Variants in BRD1 observed in about 807,000 individuals in gnomAD.
BRD1 encodes the protein bromodomain containing 1.
A neutral mutation model predicts 107.7 loss-of-function variants in BRD1; 24 were observed. The observed-to-expected ratio is 0.22, with a 90% CI of 0.16 to 0.31. BRD1 has a LOEUF of 0.31. Among genes scored for constraint, BRD1 ranks in the 10% least tolerant of loss-of-function variants. The pLI is 1.00. For missense variants in BRD1, 1,279 were observed against 1,638.6 expected (o/e 0.78, Z 3.79); for synonymous variants, 744 against 686.1 (o/e 1.08, Z -1.32).
intron 7 of BRD1, among the ~76,000 whole-genome samples, chr22:49,789,250 T>C (rs953325615): frequency 2.6e-5 from 4 of 152,308 alleles, no homozygotes; most frequent in Middle Eastern, 3.4e-3. Flanking sequence ...TCCCTCCTGT[T>C]CAATGTCGCC....
rs1401833440 is a variant in BRD1 at position 49,803,822 on chromosome 22, T to C, written c.1524+382A>G. On this transcript the variant is annotated intron_variant, in intron 3 of 12. Coordinates refer to ENST00000404760, the MANE Select transcript of BRD1 (RefSeq NM_001304808.3). The surrounding 1 kb of genome is among the most constrained non-coding windows in gnomAD (Gnocchi z 4.4). ...GACCCCCACCCACATGGCCCGGGTG[T>C]GCTCACCGGGTCCCACTCCTGCTGT... 6.6e-6 allele frequency among the ~76,000 whole-genome samples: 1 copy of C among 152,066 alleles called. No homozygotes were observed. Among genetic ancestry groups the C allele is most frequent in the Admixed American group, 6.6e-5 (1 of 15,264 alleles).
At chr22:49,790,922 C>T (rs1394642026) in intron 7 of BRD1, among the ~76,000 whole-genome samples, 2 of 152,226 alleles carry the variant, frequency 1.3e-5, no homozygotes, top group South Asian at 2.1e-4. Context: ...CTAAAGGGGA[C>T]GCCCCGGAGC....
intron 8 of BRD1, among the ~76,000 whole-genome samples, chr22:49,780,097 T>C (rs1166821513): frequency 6.6e-6 from 1 of 152,138 alleles, no homozygotes; most frequent in Non-Finnish European, 1.5e-5. Context: ...GGGAAGACGA[T>C]GACCAGTGCG....
chr22:49,797,272 T>A (rs1363569741), intron 6 of BRD1, among the ~76,000 whole-genome samples: 1 of 152,228 alleles, frequency 6.6e-6, no homozygotes, highest in Non-Finnish European at 1.5e-5. Flanking sequence ...CAGAGCCCTT[T>A]CTACAACATG....
chr22:49,815,388 C>T (rs2059930559), intron 2 of BRD1, among the ~76,000 whole-genome samples: 1 of 151,986 alleles, frequency 6.6e-6, no homozygotes. Context: ...ACTAAAAACA[C>T]AAAAATTAGT....
intron 2 of BRD1, among the ~76,000 whole-genome samples, chr22:49,819,327 C>T (rs1003505532): frequency 7.2e-5 from 11 of 151,976 alleles, no homozygotes; most frequent in African/African-American, 2.7e-4. Context: ...CATGGTGGCT[C>T]ACGCCTGTAA....
intron 7 of BRD1, among the ~76,000 whole-genome samples, chr22:49,789,372 T>G (rs536848250): frequency 1.3e-5 from 2 of 152,292 alleles, no homozygotes; most frequent in South Asian, 4.1e-4. Flanking sequence ...CCCTGGTGCC[T>G]GTACAGCAGC....
intron 1 of BRD1, among the ~76,000 whole-genome samples, chr22:49,827,261 C>A (rs1013197331): frequency 2.0e-5 from 3 of 149,926 alleles, no homozygotes; most frequent in African/African-American, 7.4e-5. Flanking sequence ...CCGGCCTCCC[C>A]GTCTTCCCGC....
chr22:49,775,833 ACC>A, intron 11 of BRD1, 88 bp from the exon 12 acceptor site: 1 of 540,506 alleles, frequency 1.9e-6, no homozygotes, highest in East Asian at 7.1e-5. Context: ...CCGCCTCCCC[ACC>A]CCAGCTGTGT....
chr22:49,826,359 G>A (rs2060148837), intron 1 of BRD1: 4 of 736,388 alleles, frequency 5.4e-6, no homozygotes, highest in Non-Finnish European at 6.6e-6. Flanking sequence ...GGGAAAGTAG[G>A]CCCTCAGCAG....
intron 9 of BRD1, 43 bp from the exon 10 acceptor site, chr22:49,777,204 C>G: frequency 1.2e-6 from 2 of 1,603,804 alleles, no homozygotes; most frequent in Non-Finnish European, 1.7e-6. Context: ...CCCGCCCCTG[C>G]CTTCAGCCTC....
Position 49,794,016 on chromosome 22 carries a change from G to C in BRD1, c.2359+18C>G, listed in dbSNP as rs1261777327. ...GCCGTGACGGCAAGAAAGCGGGGCAGCCCTCACCGTGGCTTACCTTCCTCG... is the reference window on the plus strand; with the variant it reads ...GCCGTGACGGCAAGAAAGCGGGGCACCCCTCACCGTGGCTTACCTTCCTCG... On this transcript the variant is annotated intron_variant, in intron 7 of 12. Transcript: ENST00000404760. The C allele has an allele frequency of 1.9e-6, 3 of 1,604,422 alleles. No individual in the cohort carries two copies. The highest frequency in any genetic ancestry group is 2.6e-6 in the Non-Finnish European group (3 of 1,175,520).
chr22:49,783,765 C>T lies in BRD1; in HGVS notation c.2857+3625G>A, dbSNP rs1316533954. The stretch of plus-strand genomic sequence containing the variant: ...GGGGGTGGGCTGGGGTGGGGGAGAG[C>T]TCCTCCAGGGCTGCTGTTTGTGATT... On this transcript the variant is annotated intron_variant, in intron 8 of 12. Coordinates refer to ENST00000404760, the MANE Select transcript of BRD1 (RefSeq NM_001304808.3). This position sits in a 1 kb window ranked among gnomAD's most constrained non-coding sequence, Gnocchi z 4.2. Among the ~76,000 whole-genome samples, 2 of 152,200 alleles carry T rather than the reference C, an allele frequency of 1.3e-5. No individual in the cohort carries two copies. The highest frequency in any genetic ancestry group is 4.8e-5 in the African/African-American group (2 of 41,446).
At chr22:49,796,889 G>C (rs2059544155) in intron 6 of BRD1, among the ~76,000 whole-genome samples, 1 of 152,234 alleles carries the variant, frequency 6.6e-6, no homozygotes, top group Admixed American at 6.5e-5. Flanking sequence ...AAGAGGGCCA[G>C]GCCTCATCCC....
At chr22:49,774,598 C>A (rs546327565) in intron 12 of BRD1, among the ~76,000 whole-genome samples, 182 bp from the exon 13 acceptor site, 25 of 152,312 alleles carry the variant, frequency 1.6e-4, no homozygotes, top group Non-Finnish European at 2.9e-5. Context: ...CTCCCTTCCC[C>A]TCCCCGACTT....
intron 7 of BRD1, among the ~76,000 whole-genome samples, chr22:49,789,916 G>A (rs1391475992): frequency 6.6e-6 from 1 of 152,142 alleles, no homozygotes; most frequent in Non-Finnish European, 1.5e-5. Context: ...CCATCTCCAC[G>A]CTGCAGGGAC....
intron 2 of BRD1, chr22:49,806,622 GCCGGCAATA>G (rs2059749393): frequency 6.6e-6 from 1 of 152,282 alleles, no homozygotes; most frequent in Non-Finnish European, 1.5e-5. Context: ...GGACTGAGAT[GCCGGCAATA>G]CGGGCAAGAT....
intron 7 of BRD1, among the ~76,000 whole-genome samples, chr22:49,789,732 C>T (rs1199118116): frequency 1.3e-5 from 2 of 152,210 alleles, no homozygotes; most frequent in African/African-American, 4.8e-5. Flanking sequence ...CACCGTAAAC[C>T]CCCATCTCCT....
At chr22:49,776,696 C>G (rs1328975534) in intron 10 of BRD1, among the ~76,000 whole-genome samples, 3 of 152,228 alleles carry the variant, frequency 2.0e-5, no homozygotes, top group African/African-American at 7.2e-5. Context: ...GGGCACCCAC[C>G]CTGCAGTCAG....
Sources: allele counts gnomAD v4.1 joint callset (sites outside exome capture counted in the v4.1 genomes callset), GRCh38; gene constraint gnomAD v4.1.1; non-coding constraint Gnocchi (gnomAD v3.1); transcripts MANE v1.5; gene names NCBI Gene and HGNC (gene_info 2026-07-23, HGNC 2026-07-21).